The following CANX variants were observed in gnomAD, a reference collection of about 807,000 sequenced individuals.
CANX encodes the protein epididymis secretory sperm binding protein.
CANX carries 14 observed loss-of-function variants against 75.7 expected under a neutral mutation model. That is an observed-to-expected ratio of 0.19 (90% CI 0.12 to 0.29). CANX has a LOEUF of 0.29. Ranked by LOEUF, CANX falls within the 10% of genes least tolerant of loss-of-function variation. The pLI is 1.00. For missense variants in CANX, 567 were observed against 713.2 expected (o/e 0.79, Z 2.34); for synonymous variants, 227 against 236.9 (o/e 0.96, Z 0.38).
intron 1 of CANX, among the ~76,000 whole-genome samples, chr5:179,680,449 C>G (rs368541681): frequency 6.6e-6 from 1 of 152,070 alleles, no homozygotes; most frequent in Non-Finnish European, 1.5e-5. Flanking sequence ...CCTCTGCCTG[C>G]CCTCAAGGTG....
In CANX at chr5:179,728,874, A is replaced by G; in HGVS notation, c.*230A>G. On this transcript the variant is annotated 3_prime_UTR_variant, in exon 15 of 15. Coordinates refer to ENST00000247461, the MANE Select transcript of CANX (RefSeq NM_001746.4). ...TGTAGAAAAGAAAACATTTAACATAATGGTTGTGAAATGTAACATGAAGCA... is the reference window on the plus strand; with the variant it reads ...TGTAGAAAAGAAAACATTTAACATAGTGGTTGTGAAATGTAACATGAAGCA... 1 of 596,592 alleles carries G rather than the reference A, an allele frequency of 1.7e-6. No homozygotes were observed. Among genetic ancestry groups the G allele is most frequent in the South Asian group, 1.7e-5 (1 of 58,834 alleles). 37.0% of individuals were successfully genotyped at this position (596,592 alleles called of 1,614,324 possible).
At chr5:179,724,121 T>C (rs1301954988) in intron 12 of CANX, among the ~76,000 whole-genome samples, 1 of 152,238 alleles carries the variant, frequency 6.6e-6, no homozygotes, top group Non-Finnish European at 1.5e-5. Flanking sequence ...TAGCTATTTC[T>C]ATTCTTTGTA....
intron 1 of CANX, among the ~76,000 whole-genome samples, chr5:179,693,026 G>C (rs1776325334): frequency 6.6e-6 from 1 of 151,344 alleles, no homozygotes; most frequent in South Asian, 2.1e-4. Context: ...GGCGCCTGTA[G>C]TCCCTGCTAC....
At chr5:179,713,288 C>T (rs866830390) in intron 7 of CANX, among the ~76,000 whole-genome samples, 85 of 152,210 alleles carry the variant, frequency 5.6e-4, no homozygotes, top group African/African-American at 2.0e-3. Context: ...CCAGGCTGAT[C>T]TCAAACTCTT....
chr5:179,698,398 G>T (rs991030879), upstream of CANX: 1 of 1,230,444 alleles, frequency 8.1e-7, no homozygotes, highest in Non-Finnish European at 1.0e-6. Flanking sequence ...CTGCGGCGCC[G>T]GCTCACACAG....
At chr5:179,688,875 G>C (rs1776242936) in intron 1 of CANX, among the ~76,000 whole-genome samples, 1 of 151,670 alleles carries the variant, frequency 6.6e-6, no homozygotes, top group African/African-American at 2.4e-5. Context: ...CTTGAGGCCA[G>C]GAGTTTGATG....
Position 179,687,134 on chromosome 5 carries a change from G to T in CANX, c.-4+8357G>T, listed in dbSNP as rs141791710. Among the ~76,000 whole-genome samples, 6 of 150,678 alleles carry T rather than the reference G, an allele frequency of 4.0e-5. No homozygotes were observed. In the Admixed American group the frequency reaches 4.0e-4, roughly 10 times the overall value. On this transcript the variant is annotated intron_variant, in intron 1 of 14. Transcript: ENST00000681674. ...AGACATGCCACCATGCCCGGCTACC[G>T]CTCTGTCACCCAGGCTGGAGTGCAG...
At chr5:179,709,835 G>A in intron 6 of CANX, 38 bp from the exon 7 acceptor site, 1 of 1,392,988 alleles carries the variant, frequency 7.2e-7, no homozygotes, top group Non-Finnish European at 9.8e-7. Context: ...AACACTTTGA[G>A]TACAGTGACT....
intron 4 of CANX, 78 bp from the exon 5 acceptor site, chr5:179,708,161 A>T: frequency 8.5e-7 from 1 of 1,172,332 alleles, no homozygotes; most frequent in African/African-American, 1.5e-5. Flanking sequence ...TTATGCAACT[A>T]GGAGGTGTTT....
At chr5:179,705,130 C>T (rs536198962) in intron 1 of CANX, among the ~76,000 whole-genome samples, 13 of 152,196 alleles carry the variant, frequency 8.5e-5, no homozygotes, top group East Asian at 3.9e-4. Context: ...AGACTACAGG[C>T]GCCCGCTATC....
At chr5:179,681,292 C>A (rs1776058699) in intron 1 of CANX, among the ~76,000 whole-genome samples, 1 of 152,084 alleles carries the variant, frequency 6.6e-6, no homozygotes, top group African/African-American at 2.4e-5. Flanking sequence ...AAGCAGAGTC[C>A]AAGACAGGAA....
At chr5:179,681,944 T>TAA (rs58981244) in intron 1 of CANX, among the ~76,000 whole-genome samples, 2 of 125,356 alleles carry the variant, frequency 1.6e-5, no homozygotes, top group Non-Finnish European at 1.6e-5. Flanking sequence ...ACCCTGTGTT[T>TAA]AAAAAAAAAA....
chr5:179,728,576 C>A lies in CANX; in HGVS notation c.1726-15C>A. 1 of 1,503,778 alleles carries A rather than the reference C, an allele frequency of 6.6e-7. No homozygotes were observed. Among genetic ancestry groups the A allele is most frequent in the South Asian group, 1.1e-5 (1 of 88,174 alleles). The allele number at this position is 1,503,778 out of a possible 1,614,324, so 93.2% of individuals were successfully genotyped here. Reference sequence around the variant, plus strand: ...TAAATGTGCTAATTATAATGAATTTCTTTTCAATCAATAGGAGGATGAAAT... The same window carrying A: ...TAAATGTGCTAATTATAATGAATTTATTTTCAATCAATAGGAGGATGAAAT... On this transcript the variant is annotated splice_polypyrimidine_tract_variant and intron_variant, in intron 14 of 14. Transcript: ENST00000247461.
In CANX at chr5:179,728,802, C is replaced by G; in HGVS notation, c.*158C>G. The stretch of plus-strand genomic sequence containing the variant: ...GAACACTAGTCTGTGTAACTTTAAA[C>G]ATCTAGCAGTAAATACTTGCAGTTG... On this transcript the variant is annotated 3_prime_UTR_variant, in exon 15 of 15. Coordinates refer to ENST00000247461, the MANE Select transcript of CANX (RefSeq NM_001746.4). 1 of 706,122 alleles carries G rather than the reference C, an allele frequency of 1.4e-6. No homozygotes were observed. The highest frequency in any genetic ancestry group is 2.6e-6 in the Non-Finnish European group (1 of 378,140). The allele number at this position is 706,122 out of a possible 1,614,324, so 43.7% of individuals were successfully genotyped here.
rs748288590 is a variant in CANX at position 179,691,816 on chromosome 5, C to G, written c.-4+13039C>G. Among the ~76,000 whole-genome samples, 6 of 151,252 alleles carry G rather than the reference C, an allele frequency of 4.0e-5. No individual in the cohort carries two copies. In the East Asian group the frequency reaches 1.2e-3, roughly 30 times the overall value. On this transcript the variant is annotated intron_variant, in intron 1 of 14. Coordinates refer to the CANX transcript ENST00000681674. ...TTTTTGAGACGGAGTCTCGCTCTGTCGCCCAGGCTGGAGTGCAGTGGCACG... is the reference window on the plus strand; with the variant it reads ...TTTTTGAGACGGAGTCTCGCTCTGTGGCCCAGGCTGGAGTGCAGTGGCACG...
chr5:179,705,954 C>T, intron 2 of CANX, 102 bp downstream of exon 2: 1 of 902,534 alleles, frequency 1.1e-6, no homozygotes, highest in South Asian at 1.6e-5. Context: ...CTCAGGAGGC[C>T]TAGGACAGGA....
chr5:179,708,056 C>T (rs1378680423), intron 4 of CANX, among the ~76,000 whole-genome samples, 183 bp from the exon 5 acceptor site: 2 of 152,172 alleles, frequency 1.3e-5, no homozygotes, highest in South Asian at 2.1e-4. Flanking sequence ...AGGCTGGTCT[C>T]GAACTCCTGA....
intron 1 of CANX, among the ~76,000 whole-genome samples, chr5:179,688,061 CT>C (rs76113200): frequency 5.6e-3 from 757 of 136,092 alleles, no homozygotes; most frequent in African/African-American, 6.7e-3. Context: ...AGTCAGTATT[CT>C]TTTTTTTTTT....
intron 1 of CANX, among the ~76,000 whole-genome samples, chr5:179,703,320 C>T (rs916580314): frequency 7.3e-5 from 11 of 151,564 alleles, no homozygotes; most frequent in Admixed American, 3.9e-4. Flanking sequence ...CAGGTTCAAG[C>T]GATTCTCCTC....
Sources: gnomAD v4.1 joint callset for allele counts (sites outside exome capture counted in the v4.1 genomes callset) on GRCh38, gnomAD v4.1.1 for gene constraint, MANE v1.5 for transcripts, NCBI Gene and HGNC (gene_info 2026-07-23, HGNC 2026-07-21) for gene names.